Variants in ITK observed in about 807,000 individuals in gnomAD.
The protein encoded by ITK is IL2 inducible T cell kinase.
In ITK, 45 loss-of-function variants were observed where a neutral mutation model predicts 87.6. The observed-to-expected ratio is 0.51, with a 90% CI of 0.40 to 0.66. The LOEUF is 0.66. ITK is among the 30% of genes least tolerant of loss of function. The probability of loss-of-function intolerance (pLI) is 0.00; values close to 1 mark genes in which losing one functional copy is unlikely to be tolerated. For missense variants in ITK, 605 were observed against 766.3 expected, an observed-to-expected ratio of 0.79 and a Z score of 2.48; for synonymous variants, 303 against 273.6, an observed-to-expected ratio of 1.11 and a Z score of -1.06.
intron 6 of ITK, 37 bp downstream of exon 6, chr5:157,223,051 G>A (rs942821747): frequency 6.2e-7 from 1 of 1,612,532 alleles, no homozygotes; most frequent in Non-Finnish European, 8.5e-7. Flanking sequence ...CCGTGTTTGA[G>A]GTGTGGTGCG....
chr5:157,192,718 A>T (rs1753776321), intron 1 of ITK, among the ~76,000 whole-genome samples: 1 of 152,240 alleles, frequency 6.6e-6, no homozygotes, highest in African/African-American at 2.4e-5. Flanking sequence ...AGGGCAGGGA[A>T]ACTGCCCAGA....
intron 1 of ITK, among the ~76,000 whole-genome samples, chr5:157,200,309 G>A (rs964752909): frequency 2.0e-5 from 3 of 152,154 alleles, no homozygotes; most frequent in Non-Finnish European, 4.4e-5. Context: ...GGTAAGCAAG[G>A]TCCTGTGACT....
At chr5:157,237,683 C>CT (rs1313584915) in intron 8 of ITK, among the ~76,000 whole-genome samples, 1 of 152,218 alleles carries the variant, frequency 6.6e-6, no homozygotes, top group African/African-American at 2.4e-5. Context: ...TGCTCACATA[C>CT]CAGAGTTCAA....
At chr5:157,219,365 A>G (rs1478377034) in intron 5 of ITK, among the ~76,000 whole-genome samples, 1 of 152,026 alleles carries the variant, frequency 6.6e-6, no homozygotes, top group African/African-American at 2.4e-5. Context: ...AACCCACTTC[A>G]ACCTCCCAAA....
chr5:157,188,180 C>T (rs1165130302), intron 1 of ITK, among the ~76,000 whole-genome samples: 1 of 152,156 alleles, frequency 6.6e-6, no homozygotes, highest in Admixed American at 6.6e-5. Context: ...CTCTTCATTC[C>T]CATGTCATTC....
chr5:157,252,584 A>G, intron 16 of ITK, 23 bp from the exon 17 acceptor site: 1 of 1,589,288 alleles, frequency 6.3e-7, no homozygotes, highest in South Asian at 1.1e-5. Flanking sequence ...AGGAACTTAC[A>G]GAGTTCTTTT....
At chr5:157,201,106 G>A (rs1486783774) in intron 1 of ITK, among the ~76,000 whole-genome samples, 1 of 151,608 alleles carries the variant, frequency 6.6e-6, no homozygotes, top group Non-Finnish European at 1.5e-5. Flanking sequence ...TGTCAAAAAA[G>A]AACATTTCAA....
chr5:157,191,208 C>T (rs906769630), intron 1 of ITK, among the ~76,000 whole-genome samples: 6 of 151,980 alleles, frequency 3.9e-5, no homozygotes, highest in African/African-American at 7.3e-5. Context: ...GGCACAGTCT[C>T]GGCTCACTGC....
intron 1 of ITK, among the ~76,000 whole-genome samples, chr5:157,186,622 G>A (rs1753647656): frequency 6.6e-6 from 1 of 151,856 alleles, no homozygotes; most frequent in African/African-American, 2.4e-5. Flanking sequence ...GTTGCAGAGA[G>A]CCAAGATTGT....
At chr5:157,246,696 A>T (rs1166521055) in intron 15 of ITK, among the ~76,000 whole-genome samples, 2 of 152,148 alleles carry the variant, frequency 1.3e-5, no homozygotes, top group East Asian at 3.9e-4. Context: ...CTCAGAAGGT[A>T]ATTCTTCAGC....
chr5:157,189,240 C>G (rs534984100), intron 1 of ITK, among the ~76,000 whole-genome samples: 1 of 152,252 alleles, frequency 6.6e-6, no homozygotes, highest in African/African-American at 2.4e-5. Context: ...TTGATATTTT[C>G]TTTTCTCACA....
intron 6 of ITK, among the ~76,000 whole-genome samples, chr5:157,225,417 G>A (rs1754511346): frequency 6.6e-6 from 1 of 151,892 alleles, no homozygotes; most frequent in African/African-American, 2.4e-5. Flanking sequence ...TTATGGAAGT[G>A]CCAAGACTGG....
rs1004235799 is a variant in ITK, at chr5:157,185,685, A to C, written c.138+4570A>C. ...ACATGGTGAGACTCCGTCTCCACAA[A>C]AAAAAAAAAAAAGCCAGATGTGGTG... On this transcript the variant is annotated intron_variant, in intron 1 of 16. Transcript: ENST00000422843. 3.1e-3 allele frequency among the ~76,000 whole-genome samples: 461 copies of C among 150,980 alleles called. 2 individuals carry two copies. The highest frequency in any genetic ancestry group is 0.011 in the African/African-American group (451 of 41,236).
intron 2 of ITK, among the ~76,000 whole-genome samples, chr5:157,209,325 C>T (rs367964176): frequency 7.5e-6 from 1 of 133,754 alleles, no homozygotes; most frequent in Non-Finnish European, 1.5e-5. Flanking sequence ...AGTGAGACTC[C>T]GTCAAAAAAA....
At chr5:157,184,717 G>C (rs1439076644) in intron 1 of ITK, among the ~76,000 whole-genome samples, 1 of 152,202 alleles carries the variant, frequency 6.6e-6, no homozygotes. Context: ...GTGATGTTGA[G>C]TATTTCATGA....
chr5:157,233,932 C>CATACATATATATATATAT (rs1285827435), intron 8 of ITK, among the ~76,000 whole-genome samples: 1 of 21,512 alleles, frequency 4.6e-5, no homozygotes, highest in Non-Finnish European at 7.8e-5. Flanking sequence ...CTTACTGATA[C>CATACATATATATATATAT]ATATATATAT....
chr5:157,200,875 A>G (rs1276224241), intron 1 of ITK, among the ~76,000 whole-genome samples: 4 of 152,204 alleles, frequency 2.6e-5, no homozygotes, highest in Admixed American at 2.0e-4. Context: ...GTCTACTGGC[A>G]TAGGGGTCTA....
chr5:157,185,435 G>T (rs1331423199), intron 1 of ITK, among the ~76,000 whole-genome samples: 1 of 151,824 alleles, frequency 6.6e-6, no homozygotes, highest in Non-Finnish European at 1.5e-5. Context: ...TAGAGACGGG[G>T]TTTCACCATA....
rs552551316 is a variant in ITK at position 157,215,339 on chromosome 5, G to T, written c.454+1020G>T. Among the ~76,000 whole-genome samples, 24 of 152,290 alleles carry T rather than the reference G, an allele frequency of 1.6e-4. No individual in the cohort carries two copies. In the Middle Eastern group the frequency reaches 0.014, roughly 86 times the overall value. ...TGAAAATTGGCAACCCAAGGCGGAT[G>T]TAACACATGGCTAGGTTTTCTGTGG... On this transcript the variant is annotated intron_variant, in intron 4 of 16. Coordinates refer to ENST00000422843, the MANE Select transcript of ITK (RefSeq NM_005546.4).
Sources: allele counts gnomAD v4.1 joint callset (sites outside exome capture counted in the v4.1 genomes callset), GRCh38; gene constraint gnomAD v4.1.1; transcripts MANE v1.5; gene names NCBI Gene and HGNC (gene_info 2026-07-23, HGNC 2026-07-21).